The following TRPM3 variants were observed in gnomAD, a reference collection of about 807,000 sequenced individuals.
The protein encoded by TRPM3 is transient receptor potential cation channel subfamily M member 3.
A neutral mutation model predicts 181.2 loss-of-function variants in TRPM3; 77 were observed. The ratio of observed to expected loss-of-function variants is 0.42; its 90% CI spans 0.35 to 0.51. TRPM3 has a LOEUF of 0.51. Ranked by LOEUF, TRPM3 falls within the 20% of genes least tolerant of loss-of-function variation. The probability of loss-of-function intolerance (pLI) is 0.01; values close to 1 mark genes in which losing one functional copy is unlikely to be tolerated. For missense variants in TRPM3, 1,759 were observed against 2,196.7 expected (o/e 0.80, Z 3.98); for synonymous variants, 745 against 796.4 (o/e 0.94, Z 1.09).
rs531119454 is a variant in TRPM3, at chr9:70,746,009, C to T, written c.1272+15592G>A. ...AGTTACAGTTAACAATTACTGAGTG[C>T]TTCCTAGGAGCCACACACTGTGCCA... On this transcript the variant is annotated intron_variant, in intron 8 of 25. Coordinates refer to ENST00000677713, the MANE Select transcript of TRPM3 (RefSeq NM_001366145.2). 5.3e-5 allele frequency among the ~76,000 whole-genome samples: 8 copies of T among 152,202 alleles called. No homozygotes were observed. In the South Asian group the frequency reaches 1.7e-3, roughly 32 times the overall value.
At chr9:70,587,516 T>C (rs2057347615) in intron 22 of TRPM3, among the ~76,000 whole-genome samples, 1 of 152,162 alleles carries the variant, frequency 6.6e-6, no homozygotes, top group African/African-American at 2.4e-5. Flanking sequence ...CAGAACCAGA[T>C]TTCTAAGCTG....
At chr9:70,965,064 A>G (rs1457158469) in intron 1 of TRPM3, among the ~76,000 whole-genome samples, 1 of 151,908 alleles carries the variant, frequency 6.6e-6, no homozygotes, top group African/African-American at 2.4e-5. Context: ...CCCCCATCTG[A>G]CTTCTAGCTT....
intron 1 of TRPM3, among the ~76,000 whole-genome samples, chr9:71,402,246 A>G (rs1165609483): frequency 1.3e-5 from 2 of 152,218 alleles, no homozygotes; most frequent in African/African-American, 4.8e-5. Flanking sequence ...ATGAACAAAC[A>G]TGAAAAGGTG....
intron 1 of TRPM3, among the ~76,000 whole-genome samples, chr9:71,053,871 G>A (rs1361197465): frequency 6.6e-6 from 1 of 152,016 alleles, no homozygotes; most frequent in African/African-American, 2.4e-5. Flanking sequence ...CACAAAACAG[G>A]GTCGGGATCC....
At chr9:71,156,595 T>G (rs2076016705) in intron 1 of TRPM3, among the ~76,000 whole-genome samples, 1 of 152,126 alleles carries the variant, frequency 6.6e-6, no homozygotes, top group Non-Finnish European at 1.5e-5. Context: ...TGATTGTGAT[T>G]AGGTTGCTAC....
At chr9:71,084,002 C>A (rs2064856236) in intron 1 of TRPM3, among the ~76,000 whole-genome samples, 1 of 151,810 alleles carries the variant, frequency 6.6e-6, no homozygotes, top group African/African-American at 2.4e-5. Context: ...GCATTGAAAT[C>A]TTGAAGTGAA....
intron 1 of TRPM3, among the ~76,000 whole-genome samples, chr9:71,276,137 G>A (rs553257519): frequency 1.5e-4 from 23 of 152,208 alleles, no homozygotes; most frequent in African/African-American, 5.1e-4. Flanking sequence ...CACTGCACCC[G>A]GCTGAAAGAA....
intron 9 of TRPM3, among the ~76,000 whole-genome samples, chr9:70,643,242 A>G (rs981769125): frequency 1.3e-5 from 2 of 152,202 alleles, no homozygotes; most frequent in Non-Finnish European, 2.9e-5. Context: ...GTGAAGGCTC[A>G]TTGCGATTGC....
At chr9:70,559,914 C>T (rs893605304) in intron 22 of TRPM3, among the ~76,000 whole-genome samples, 2 of 152,196 alleles carry the variant, frequency 1.3e-5, no homozygotes, top group Admixed American at 6.5e-5. Flanking sequence ...AATTCCCCCA[C>T]ATACATCCTG....
At chr9:70,570,752 AT>A (rs1485526077) in intron 22 of TRPM3, among the ~76,000 whole-genome samples, 1 of 152,208 alleles carries the variant, frequency 6.6e-6, no homozygotes, top group Non-Finnish European at 1.5e-5. Flanking sequence ...GAGAAAGTAG[AT>A]TCAGGTACCA....
At chr9:71,184,790 A>G (rs767582384) in intron 1 of TRPM3, among the ~76,000 whole-genome samples, 2 of 152,132 alleles carry the variant, frequency 1.3e-5, no homozygotes, top group Admixed American at 6.6e-5. Flanking sequence ...GGGCCTGCCA[A>G]CAGCTTTACA....
chr9:70,978,415 ACT>A (rs1590239694), intron 1 of TRPM3, among the ~76,000 whole-genome samples: 1 of 152,068 alleles, frequency 6.6e-6, no homozygotes, highest in African/African-American at 2.4e-5. Context: ...AGTATATTTT[ACT>A]CTTTTCCAGT....
At chr9:70,646,254 A>C (rs916093712) in intron 9 of TRPM3, among the ~76,000 whole-genome samples, 1 of 152,184 alleles carries the variant, frequency 6.6e-6, no homozygotes, top group African/African-American at 2.4e-5. Context: ...AAATCATTCT[A>C]TGAAGACACA....
intron 8 of TRPM3, among the ~76,000 whole-genome samples, chr9:70,747,971 T>C (rs942203615): frequency 6.6e-6 from 1 of 152,070 alleles, no homozygotes; most frequent in Non-Finnish European, 1.5e-5. Flanking sequence ...GAAGTCACAA[T>C]AGTGAATGAA....
chr9:70,872,359 T>C (rs934844411), intron 1 of TRPM3, among the ~76,000 whole-genome samples: 1 of 151,914 alleles, frequency 6.6e-6, no homozygotes, highest in Non-Finnish European at 1.5e-5. Flanking sequence ...CAGGCTTTCA[T>C]GGCACCATCA....
chr9:71,418,702 T>C lies in TRPM3; in HGVS notation c.183+27951A>G, dbSNP rs138359992. 4.9e-3 allele frequency among the ~76,000 whole-genome samples: 741 copies of C among 150,524 alleles called. 3 individuals are homozygous for C. The highest frequency in any genetic ancestry group is 0.015 in the African/African-American group (613 of 41,112). ...CTGAGGATGCCCCTTTGTCTCAACT[T>C]AAAAGGATTCCTAAAAGGCTCAAAG... is the stretch of plus-strand genomic sequence containing the variant. On this transcript the variant is annotated intron_variant, in intron 1 of 24. Transcript: ENST00000357533.
intron 1 of TRPM3, among the ~76,000 whole-genome samples, chr9:70,898,520 C>T (rs1249755103): frequency 1.3e-5 from 2 of 150,380 alleles, no homozygotes; most frequent in Non-Finnish European, 1.5e-5. Flanking sequence ...GAGGCCAAGG[C>T]GGGCGGATCA....
intron 1 of TRPM3, among the ~76,000 whole-genome samples, chr9:71,265,155 T>C (rs1389377004): frequency 6.6e-6 from 1 of 152,122 alleles, no homozygotes; most frequent in East Asian, 1.9e-4. Flanking sequence ...AGAAAAAACA[T>C]AAAAGTTAAT....
At chr9:70,906,461 C>A (rs980429068) in intron 1 of TRPM3, among the ~76,000 whole-genome samples, 2 of 152,080 alleles carry the variant, frequency 1.3e-5, no homozygotes, top group Non-Finnish European at 1.5e-5. Flanking sequence ...TAAATTAGTG[C>A]CATCTTTTTG....
Sources: gnomAD v4.1 joint callset for allele counts (sites outside exome capture counted in the v4.1 genomes callset) on GRCh38, gnomAD v4.1.1 for gene constraint, MANE v1.5 for transcripts, NCBI Gene and HGNC (gene_info 2026-07-23, HGNC 2026-07-21) for gene names.